The following DHRS7B variants were observed in gnomAD, a reference collection of about 807,000 sequenced individuals.
DHRS7B encodes dehydrogenase/reductase 7B, also known as peroxisomal reductase activating PPAR-gamma.
In DHRS7B, 24 loss-of-function variants were observed where a neutral mutation model predicts 26.4. The ratio of observed to expected loss-of-function variants is 0.91; its 90% CI spans 0.66 to 1.28. DHRS7B has a LOEUF of 1.28. Among genes scored for constraint, DHRS7B ranks in the 50% most tolerant of loss-of-function variants. DHRS7B has a pLI of 0.00. For synonymous variants in DHRS7B, 142 were observed against 166.4 expected (o/e 0.85, Z 1.13); for missense variants, 368 against 419.4 (o/e 0.88, Z 1.07).
intron 1 of DHRS7B, among the ~76,000 whole-genome samples, chr17:21,159,490 C>G (rs183449940): frequency 4.5e-4 from 68 of 151,878 alleles, no homozygotes; most frequent in Non-Finnish European, 8.4e-4. Context: ...CTCCTGACCT[C>G]ATGATCCTGC....
At chr17:21,147,989 G>T (rs1025525014) in intron 1 of DHRS7B, among the ~76,000 whole-genome samples, 1 of 152,170 alleles carries the variant, frequency 6.6e-6, no homozygotes, top group African/African-American at 2.4e-5. Flanking sequence ...GCTAAGACAG[G>T]AGGACTGCAT....
chr17:21,177,605 T>G (rs1974411418), intron 2 of DHRS7B, among the ~76,000 whole-genome samples: 2 of 152,138 alleles, frequency 1.3e-5, no homozygotes, highest in South Asian at 4.1e-4. Context: ...GGCAGGTGCT[T>G]GCGTGCACTG....
At chr17:21,177,540 C>T (rs141529030) in intron 2 of DHRS7B, among the ~76,000 whole-genome samples, 392 of 152,328 alleles carry the variant, frequency 2.6e-3, no homozygotes, top group Non-Finnish European at 4.4e-3. Flanking sequence ...CACTCCCTCC[C>T]GCCCAGCAGG....
chr17:21,129,731 GA>G (rs1471033223), intron 1 of DHRS7B, among the ~76,000 whole-genome samples: 3 of 134,486 alleles, frequency 2.2e-5, no homozygotes, highest in Non-Finnish European at 3.3e-5. Flanking sequence ...AAAAGAAAAA[GA>G]AAAAAATAAG....
At chr17:21,173,970 T>C (rs1974317266) in intron 2 of DHRS7B, among the ~76,000 whole-genome samples, 1 of 152,208 alleles carries the variant, frequency 6.6e-6, no homozygotes, top group Non-Finnish European at 1.5e-5. Context: ...ACAGAAAATG[T>C]CACGGAGGTC....
At chr17:21,134,736 C>G (rs1211754576) in intron 1 of DHRS7B, among the ~76,000 whole-genome samples, 1 of 152,086 alleles carries the variant, frequency 6.6e-6, no homozygotes, top group Non-Finnish European at 1.5e-5. Context: ...CTGGAGTAAT[C>G]AGGTAGAGAG....
intron 1 of DHRS7B, among the ~76,000 whole-genome samples, chr17:21,143,269 G>T (rs1973566878): frequency 2.0e-5 from 3 of 152,090 alleles, no homozygotes; most frequent in Admixed American, 1.3e-4. Flanking sequence ...CACCCTGTTG[G>T]CCAAGCTGGT....
intron 4 of DHRS7B, 111 bp downstream of exon 4, chr17:21,183,921 G>T: frequency 1.1e-6 from 1 of 931,574 alleles, no homozygotes; most frequent in Non-Finnish European, 1.7e-6. Flanking sequence ...CTGTTGCCCT[G>T]GAGTGGGTGT....
intron 1 of DHRS7B, among the ~76,000 whole-genome samples, chr17:21,131,934 T>C (rs997114315): frequency 6.6e-6 from 1 of 152,212 alleles, no homozygotes; most frequent in African/African-American, 2.4e-5. Context: ...CAGATTGGTT[T>C]AAAATGTTAG....
At chr17:21,158,036 G>A (rs1473042833) in intron 1 of DHRS7B, among the ~76,000 whole-genome samples, 1 of 152,038 alleles carries the variant, frequency 6.6e-6, no homozygotes, top group Non-Finnish European at 1.5e-5. Flanking sequence ...GAAAGTATTT[G>A]ACAATATCTA....
intron 1 of DHRS7B, chr17:21,127,205 C>T (rs1280937515): frequency 9.9e-6 from 5 of 506,350 alleles, no homozygotes; most frequent in Non-Finnish European, 1.7e-5. Context: ...GAGTGCGTGG[C>T]GGGGAAACCC....
chr17:21,156,950 C>T (rs1004913301), intron 1 of DHRS7B, among the ~76,000 whole-genome samples: 1 of 151,836 alleles, frequency 6.6e-6, no homozygotes, highest in African/African-American at 2.4e-5. Context: ...AACTCTGTGC[C>T]CATTTCTTGA....
At chr17:21,149,012 C>T (rs1227968101) in intron 1 of DHRS7B, among the ~76,000 whole-genome samples, 1 of 152,000 alleles carries the variant, frequency 6.6e-6, no homozygotes, top group African/African-American at 2.4e-5. Flanking sequence ...GACCCCAAGG[C>T]ATATAATAAT....
At chr17:21,157,451 G>A (rs1211122136) in intron 1 of DHRS7B, among the ~76,000 whole-genome samples, 5 of 152,248 alleles carry the variant, frequency 3.3e-5, no homozygotes, top group South Asian at 2.1e-4. Flanking sequence ...ATCCCAGCAC[G>A]TTGGGAGGGC....
In DHRS7B at chr17:21,178,484, A is replaced by G. The variant is rs7225042; in HGVS notation, c.309+142A>G. 2.3e-4 allele frequency: 158 copies of G among 674,780 alleles called. No homozygotes were observed. In the African/African-American group the frequency reaches 2.6e-3, roughly 11 times the overall value. 41.8% of individuals were successfully genotyped at this position (674,780 alleles called of 1,614,324 possible). Reference sequence around the variant, plus strand: ...GTCCCAGGGAAGGCAGCAGGTCTCCATAGCGAACCGGGCCCACTGCATAGG... The same window carrying G: ...GTCCCAGGGAAGGCAGCAGGTCTCCGTAGCGAACCGGGCCCACTGCATAGG... On this transcript the variant is annotated intron_variant, in intron 3 of 6. Coordinates refer to ENST00000395511, the MANE Select transcript of DHRS7B (RefSeq NM_015510.5).
intron 1 of DHRS7B, among the ~76,000 whole-genome samples, chr17:21,145,319 G>A (rs1025728847): frequency 4.6e-5 from 7 of 150,604 alleles, no homozygotes; most frequent in African/African-American, 9.8e-5. Flanking sequence ...GCGAGACGCC[G>A]TCTAAAAAAA....
intron 1 of DHRS7B, among the ~76,000 whole-genome samples, chr17:21,141,640 A>AAAAGG: frequency 9.5e-4 from 86 of 90,062 alleles, no homozygotes; most frequent in Non-Finnish European, 1.3e-3. Context: ...AAAAAAAAAA[A>AAAAGG]CAACCTCATC....
rs531814661 is a variant in DHRS7B at position 21,172,413 on chromosome 17, T to A, written c.199+217T>A. 2.3e-3 allele frequency: 418 copies of A among 182,096 alleles called. 3 individuals carry two copies. Among genetic ancestry groups the A allele is most frequent in the Non-Finnish European group, 3.4e-3 (350 of 101,532 alleles). 11.3% of individuals were successfully genotyped at this position (182,096 alleles called of 1,614,324 possible). ...ACTCAGCGTCAGGGTGGGAGGCAAG[T>A]GTGAGAGAAGCAGCCTGGCCCCGGG... On this transcript the variant is annotated intron_variant, in intron 2 of 6. Coordinates refer to ENST00000395511, the MANE Select transcript of DHRS7B (RefSeq NM_015510.5).
chr17:21,130,058 A>T (rs1380859322), intron 1 of DHRS7B, among the ~76,000 whole-genome samples: 3 of 152,182 alleles, frequency 2.0e-5, no homozygotes, highest in Non-Finnish European at 4.4e-5. Flanking sequence ...TTCCACAGTG[A>T]TAGGGATAGG....
Sources: allele counts gnomAD v4.1 joint callset (sites outside exome capture counted in the v4.1 genomes callset), GRCh38; gene constraint gnomAD v4.1.1; transcripts MANE v1.5; gene names NCBI Gene and HGNC (gene_info 2026-07-23, HGNC 2026-07-21).